Variants in GNA12 observed in about 807,000 individuals in gnomAD.
The protein encoded by GNA12 is guanine nucleotide-binding protein subunit alpha-12.
Under a neutral mutation model 26.0 loss-of-function variants are expected in GNA12, and 9 were observed. The observed-to-expected ratio is 0.35, with a 90% CI of 0.21 to 0.60. The LOEUF (loss-of-function observed/expected upper bound fraction) is 0.60, where lower values mean the gene tolerates loss of function less well. Ranked by LOEUF, GNA12 falls within the 20% of genes least tolerant of loss-of-function variation. The probability of loss-of-function intolerance (pLI) is 0.78; values close to 1 mark genes in which losing one functional copy is unlikely to be tolerated. For synonymous variants in GNA12, 264 were observed against 219.6 expected (o/e 1.20, Z -1.79); for missense variants, 405 against 525.8 (o/e 0.77, Z 2.25).
rs71026549 is a variant in GNA12, at chr7:2,757,129, CTTTTTTTTTTTTT to C, written c.526-23641_526-23629del. On this transcript the variant is annotated intron_variant, in intron 2 of 3. Coordinates refer to ENST00000275364, the MANE Select transcript of GNA12 (RefSeq NM_007353.3). ...GCAGGCCCGATCTAATCAGGTGGGCCTTTTTTTTTTTTTTTTTTTTTTTTGAGACGGAGTCTTG... is the reference window on the plus strand; with the variant it reads ...GCAGGCCCGATCTAATCAGGTGGGCCTTTTTTTTTTTGAGACGGAGTCTTG... Among the ~76,000 whole-genome samples, 241 of 94,010 alleles carry C rather than the reference CTTTTTTTTTTTTT, an allele frequency of 2.6e-3. 6 individuals carry two copies. In the East Asian group the frequency reaches 0.066, roughly 26 times the overall value. The allele number at this position is 94,010 out of a possible 152,430, so 61.7% of individuals were successfully genotyped here.
chr7:2,776,998 G>C (rs560891473), intron 2 of GNA12, among the ~76,000 whole-genome samples: 3 of 152,144 alleles, frequency 2.0e-5, no homozygotes, highest in Non-Finnish European at 4.4e-5. Context: ...CCTGATGGGG[G>C]TGGGTTGTGC....
chr7:2,796,443 C>A (rs1448305144), intron 1 of GNA12, among the ~76,000 whole-genome samples: 6 of 152,090 alleles, frequency 3.9e-5, no homozygotes, highest in Admixed American at 2.0e-4. Flanking sequence ...GACTGTACTG[C>A]CAAGAGTACT....
At chr7:2,733,129 A>G (rs533856749) in intron 3 of GNA12, among the ~76,000 whole-genome samples, 1 of 152,188 alleles carries the variant, frequency 6.6e-6, no homozygotes, top group African/African-American at 2.4e-5. Context: ...GATAACTGCC[A>G]TGCCTGGGGT....
intron 2 of GNA12, among the ~76,000 whole-genome samples, chr7:2,779,150 G>C (rs1457677100): frequency 6.6e-6 from 1 of 152,166 alleles, no homozygotes; most frequent in African/African-American, 2.4e-5. Flanking sequence ...CTTGAGCCCA[G>C]GAGTTTGACC....
intron 2 of GNA12, among the ~76,000 whole-genome samples, chr7:2,759,422 C>T (rs1791455769): frequency 6.6e-6 from 1 of 152,192 alleles, no homozygotes; most frequent in South Asian, 2.1e-4. Flanking sequence ...TATTACTGTT[C>T]TGTCCATGTG....
chr7:2,829,886 A>T (rs930403264), intron 1 of GNA12, among the ~76,000 whole-genome samples: 2 of 152,182 alleles, frequency 1.3e-5, no homozygotes, highest in Non-Finnish European at 2.9e-5. Context: ...TGACAGACAG[A>T]CGCTGCTTTC....
At chr7:2,780,044 C>CTGTATATG (rs56889248) in intron 2 of GNA12, among the ~76,000 whole-genome samples, 23 of 79,660 alleles carry the variant, frequency 2.9e-4, no homozygotes, top group Non-Finnish European at 4.6e-4. Flanking sequence ...TTACACATTT[C>CTGTATATG]TGTGTACATA....
At chr7:2,733,788 TGGGG>T (rs1008925710) in intron 2 of GNA12, among the ~76,000 whole-genome samples, 2 of 152,176 alleles carry the variant, frequency 1.3e-5, no homozygotes, top group African/African-American at 2.4e-5. Context: ...GCCCCTCTGA[TGGGG>T]GACTCTCTTT....
chr7:2,756,493 T>C (rs1335373389), intron 2 of GNA12, among the ~76,000 whole-genome samples: 2 of 152,068 alleles, frequency 1.3e-5, no homozygotes, highest in Non-Finnish European at 2.9e-5. Context: ...CACACGCCTA[T>C]AGTCCCAGCT....
At chr7:2,808,427 T>C (rs534356694) in intron 1 of GNA12, among the ~76,000 whole-genome samples, 2 of 152,248 alleles carry the variant, frequency 1.3e-5, no homozygotes, top group Admixed American at 1.3e-4. Flanking sequence ...TGTCTGTCCC[T>C]GCAGGCTGGC....
intron 2 of GNA12, among the ~76,000 whole-genome samples, chr7:2,786,222 A>C (rs1417071749): frequency 6.6e-6 from 1 of 152,192 alleles, no homozygotes; most frequent in African/African-American, 2.4e-5. Flanking sequence ...CCGTGCTATA[A>C]TCCTGTAAGA....
chr7:2,736,939 C>G (rs1397240763), intron 2 of GNA12, among the ~76,000 whole-genome samples: 1 of 152,246 alleles, frequency 6.6e-6, no homozygotes, highest in Non-Finnish European at 1.5e-5. Context: ...ACCAGACCCT[C>G]GAGATCAGTA....
intron 2 of GNA12, among the ~76,000 whole-genome samples, chr7:2,790,196 C>T (rs769843284): frequency 6.6e-6 from 1 of 152,170 alleles, no homozygotes; most frequent in Non-Finnish European, 1.5e-5. Context: ...CTCCTCCTGC[C>T]GGATAGAATT....
At chr7:2,773,228 A>T (rs917546343) in intron 2 of GNA12, among the ~76,000 whole-genome samples, 3 of 152,218 alleles carry the variant, frequency 2.0e-5, no homozygotes, top group Non-Finnish European at 4.4e-5. Context: ...TATACACCTA[A>T]GATTTGTGCA....
At position 2,731,175 on chromosome 7, in the gene GNA12, C is replaced by A. The variant is rs1789870058; in HGVS notation, c.*6G>T. Reference sequence around the variant, plus strand: ...TCAACGACGACAAACCCCGGGGCTTCCTCGCTCACTGCAGCATGATGTCCT... The same window carrying A: ...TCAACGACGACAAACCCCGGGGCTTACTCGCTCACTGCAGCATGATGTCCT... On this transcript the variant is annotated 3_prime_UTR_variant, in exon 4 of 4. Coordinates refer to ENST00000275364, the MANE Select transcript of GNA12 (RefSeq NM_007353.3). The surrounding 1 kb of genome is among the most constrained non-coding windows in gnomAD (Gnocchi z 6.0). The A allele has an allele frequency of 6.3e-7, 1 of 1,596,514 alleles. No homozygotes were observed. The highest frequency in any genetic ancestry group is 1.1e-5 in the South Asian group (1 of 89,510).
intron 1 of GNA12, among the ~76,000 whole-genome samples, chr7:2,838,793 A>G (rs530940269): frequency 6.6e-6 from 1 of 152,336 alleles, no homozygotes; most frequent in African/African-American, 2.4e-5. Context: ...AAATTACTGG[A>G]GAAAAAAGAA....
rs1485586521 is a variant in GNA12, at chr7:2,843,981, G to A, written c.181C>T (p.Leu61=). The change falls in exon 1 of 4, where the codon CTG becomes TTG. Residue 61 remains leucine (L), a synonymous_variant. Coordinates refer to ENST00000275364, the MANE Select transcript of GNA12 (RefSeq NM_007353.3). ...CCGCTCTCGCCCGCGCCCAGCAGCAGGATCTTCACCAGGCGCCGGACCGCG... is the reference window on the plus strand; with the variant it reads ...CCGCTCTCGCCCGCGCCCAGCAGCAAGATCTTCACCAGGCGCCGGACCGCG... ...RRAVRRLVKI[L]LLGAGESGKS... 3 of 1,585,784 alleles carry A rather than the reference G, an allele frequency of 1.9e-6. No individual in the cohort carries two copies. The Admixed American group carries it at 5.2e-5, about 27-fold the overall frequency.
chr7:2,754,573 T>C (rs1440004137), intron 2 of GNA12, among the ~76,000 whole-genome samples: 1 of 141,310 alleles, frequency 7.1e-6, no homozygotes, highest in Non-Finnish European at 1.5e-5. Context: ...TGAGACCTCA[T>C]CTCTACTTTA....
chr7:2,733,360 G>C, intron 3 of GNA12, 91 bp downstream of exon 3: 1 of 1,038,486 alleles, frequency 9.6e-7, no homozygotes. Context: ...TGTCAGTCCA[G>C]CCAAAGTCCT....
Sources: allele counts gnomAD v4.1 joint callset (sites outside exome capture counted in the v4.1 genomes callset), GRCh38; gene constraint gnomAD v4.1.1; non-coding constraint Gnocchi (gnomAD v3.1); transcripts MANE v1.5; gene names NCBI Gene and HGNC (gene_info 2026-07-23, HGNC 2026-07-21).